The following ASAP1 variants were observed in gnomAD, a reference collection of about 807,000 sequenced individuals.
The protein encoded by ASAP1 is ArfGAP with SH3 domain, ankyrin repeat and PH domain 1.
A neutral mutation model predicts 145.2 loss-of-function variants in ASAP1; 43 were observed. That is an observed-to-expected ratio of 0.30 (90% CI 0.23 to 0.38). ASAP1 has a LOEUF of 0.38. Ranked by LOEUF, ASAP1 falls within the 10% of genes least tolerant of loss-of-function variation. The probability of loss-of-function intolerance (pLI) is 1.00; values close to 1 mark genes in which losing one functional copy is unlikely to be tolerated. For missense variants in ASAP1, 1,018 were observed against 1,355.3 expected, an observed-to-expected ratio of 0.75 and a Z score of 3.91; for synonymous variants, 546 against 515.5, an observed-to-expected ratio of 1.06 and a Z score of -0.80.
intron 1 of ASAP1, among the ~76,000 whole-genome samples, chr8:130,426,325 T>G (rs1829915717): frequency 1.3e-5 from 2 of 152,160 alleles, no homozygotes; most frequent in Non-Finnish European, 2.9e-5. Context: ...CAGAACCATG[T>G]GCTGATTAAA....
chr8:130,281,997 G>A (rs1341821167), intron 3 of ASAP1, among the ~76,000 whole-genome samples: 1 of 151,806 alleles, frequency 6.6e-6, no homozygotes, highest in East Asian at 1.9e-4. Context: ...AACCCGGGAG[G>A]TGGAGGTTGC....
intron 24 of ASAP1, among the ~76,000 whole-genome samples, chr8:130,092,938 TA>T (rs35191776): frequency 0.22 from 30,612 of 137,254 alleles, 4,272 homozygotes; most frequent in African/African-American, 0.42. Flanking sequence ...ACGCTTTTCT[TA>T]AAAAAAAAAA....
chr8:130,123,682 A>G (rs1348074859), intron 18 of ASAP1, among the ~76,000 whole-genome samples: 1 of 152,208 alleles, frequency 6.6e-6, no homozygotes, highest in African/African-American at 2.4e-5. Context: ...GCTGGAGTGC[A>G]GGGGTGCGAT....
At chr8:130,267,430 A>C (rs1820329947) in intron 3 of ASAP1, among the ~76,000 whole-genome samples, 5 of 152,224 alleles carry the variant, frequency 3.3e-5, no homozygotes, top group Admixed American at 3.3e-4. Context: ...CTTTAGATGA[A>C]GAATCACATT....
intron 14 of ASAP1, among the ~76,000 whole-genome samples, chr8:130,136,241 C>G: frequency 6.6e-6 from 1 of 152,170 alleles, no homozygotes; most frequent in East Asian, 1.9e-4. Context: ...AGGAACATCT[C>G]CCCCCAACTC....
chr8:130,321,890 T>C (rs1824030061), intron 3 of ASAP1, among the ~76,000 whole-genome samples: 1 of 152,204 alleles, frequency 6.6e-6, no homozygotes, highest in African/African-American at 2.4e-5. Context: ...TTTTCTATGA[T>C]AAAATGAAAT....
rs139131170 is a variant in ASAP1, at chr8:130,361,594, T to C, written c.60-3451A>G. On this transcript the variant is annotated intron_variant, in intron 2 of 29. Coordinates refer to ENST00000518721, the MANE Select transcript of ASAP1 (RefSeq NM_018482.4). ...AGAAAGGAATATGCTCACAATGAGA[T>C]ATTGTGCTTTGGTAAGTATATACCT... 76 of 1,048,198 alleles carry C rather than the reference T, an allele frequency of 7.3e-5. No individual in the cohort carries two copies. The African/African-American group carries it at 9.9e-4, about 14-fold the overall frequency. 64.9% of individuals were successfully genotyped at this position (1,048,198 alleles called of 1,614,324 possible). A position where few individuals can be genotyped will look rare whatever the true frequency, so the allele number is the denominator to read the frequency against.
chr8:130,169,072 A>G lies in ASAP1; in HGVS notation c.747-5T>C. ...TTCAAGCCATCTTGAAAGAAACTAC[A>G]ATTAAAAAAATCAGAGATTTACCAC... is the stretch of plus-strand genomic sequence containing the variant. On this transcript the variant is annotated splice_polypyrimidine_tract_variant and splice_region_variant and intron_variant, in intron 9 of 29. Coordinates refer to ENST00000518721, the MANE Select transcript of ASAP1 (RefSeq NM_018482.4). The G allele has an allele frequency of 6.5e-7, 1 of 1,542,574 alleles. No individual in the cohort carries two copies. The highest frequency in any genetic ancestry group is 2.3e-5 in the East Asian group (1 of 44,060).
intron 4 of ASAP1, among the ~76,000 whole-genome samples, chr8:130,218,148 T>C (rs1817051059): frequency 6.6e-6 from 1 of 152,070 alleles, no homozygotes; most frequent in African/African-American, 2.4e-5. Context: ...GAGCTACTCC[T>C]GATACCTTCT....
chr8:130,382,310 GAAATT>G (rs1430002936), intron 2 of ASAP1, among the ~76,000 whole-genome samples: 2 of 102,390 alleles, frequency 2.0e-5, no homozygotes, highest in African/African-American at 7.7e-5. Context: ...AAAAAAAAAA[GAAATT>G]AAAGATATCA....
At chr8:130,299,935 G>GC (rs1289569428) in intron 3 of ASAP1, among the ~76,000 whole-genome samples, 1 of 152,032 alleles carries the variant, frequency 6.6e-6, no homozygotes, top group East Asian at 1.9e-4. Flanking sequence ...GTGGTGGACT[G>GC]GAAAACCACT....
chr8:130,224,405 GT>G (rs1384903885), intron 4 of ASAP1, among the ~76,000 whole-genome samples: 1 of 151,902 alleles, frequency 6.6e-6, no homozygotes, highest in Non-Finnish European at 1.5e-5. Flanking sequence ...AATTATATAA[GT>G]AATTCATATG....
intron 26 of ASAP1, among the ~76,000 whole-genome samples, chr8:130,077,518 T>G (rs1057326969): frequency 6.7e-6 from 1 of 149,074 alleles, no homozygotes; most frequent in Non-Finnish European, 1.5e-5. Context: ...GTCCTAAGAG[T>G]TGGTTGCTGC....
At chr8:130,326,272 T>C (rs1824323313) in intron 3 of ASAP1, among the ~76,000 whole-genome samples, 1 of 152,202 alleles carries the variant, frequency 6.6e-6, no homozygotes, top group Non-Finnish European at 1.5e-5. Flanking sequence ...AGAACAGGAG[T>C]TTGCTTTTAC....
chr8:130,246,894 C>A (rs3106532), intron 3 of ASAP1: 11,253 of 152,288 alleles, frequency 0.074, 584 homozygotes, highest in Non-Finnish European at 0.11. Flanking sequence ...CACTAAGTTA[C>A]TATGAGTACC....
chr8:130,138,570 C>T (rs2097600947), intron 13 of ASAP1, among the ~76,000 whole-genome samples: 2 of 152,188 alleles, frequency 1.3e-5, no homozygotes, highest in Non-Finnish European at 1.5e-5. Flanking sequence ...GACGAGGTGG[C>T]TCATGCCTGT....
At position 130,276,728 on chromosome 8, in the gene ASAP1, A is replaced by ACACACACTCACTCT. The variant is rs548512902; in HGVS notation, c.187-39735_187-39734insAGAGTGAGTGTGTG. On this transcript the variant is annotated intron_variant, in intron 3 of 29. Coordinates refer to ENST00000518721, the MANE Select transcript of ASAP1 (RefSeq NM_018482.4). Reference sequence around the variant, plus strand: ...CACACACACACACACACACACACACACTCTCTCTCTCTCTCTCTCTCTCTC... The same window carrying ACACACACTCACTCT: ...CACACACACACACACACACACACACACACACACTCACTCTCTCTCTCTCTCTCTCTCTCTCTCTC... 5.7e-5 allele frequency among the ~76,000 whole-genome samples: 5 copies of ACACACACTCACTCT among 87,272 alleles called. No individual in the cohort carries two copies. The Admixed American group carries it at 6.7e-4, about 12-fold the overall frequency. 57.3% of individuals were successfully genotyped at this position (87,272 alleles called of 152,430 possible).
At chr8:130,382,148 T>A (rs2138398036) in intron 2 of ASAP1, among the ~76,000 whole-genome samples, 1 of 151,326 alleles carries the variant, frequency 6.6e-6, no homozygotes, top group South Asian at 2.1e-4. Context: ...TAGCTGGGCG[T>A]GGTGGCAGGC....
chr8:130,281,607 AAAAC>A (rs1390627782), intron 3 of ASAP1, among the ~76,000 whole-genome samples: 5 of 152,238 alleles, frequency 3.3e-5, no homozygotes, highest in Admixed American at 6.5e-5. Flanking sequence ...GGGGGTTAAA[AAAAC>A]AAACAACTTA....
Sources: allele counts gnomAD v4.1 joint callset (sites outside exome capture counted in the v4.1 genomes callset), GRCh38; gene constraint gnomAD v4.1.1; transcripts MANE v1.5; gene names NCBI Gene and HGNC (gene_info 2026-07-23, HGNC 2026-07-21).